Variants in ITFG1 observed in about 807,000 individuals in gnomAD.
ITFG1 encodes the protein T-cell immunomodulatory protein.
In ITFG1, 34 loss-of-function variants were observed where a neutral mutation model predicts 81.8. That is an observed-to-expected ratio of 0.42 (90% CI 0.32 to 0.55). The LOEUF is 0.55. Among genes scored for constraint, ITFG1 ranks in the 20% least tolerant of loss-of-function variants. The pLI, the probability that ITFG1 is intolerant of heterozygous loss-of-function variation, is 0.17. For synonymous variants in ITFG1, 285 were observed against 270.6 expected (o/e 1.05, Z -0.52); for missense variants, 672 against 755.4 (o/e 0.89, Z 1.29).
intron 6 of ITFG1, among the ~76,000 whole-genome samples, chr16:47,406,985 C>T (rs953139086): frequency 6.6e-6 from 1 of 152,120 alleles, no homozygotes; most frequent in Non-Finnish European, 1.5e-5. Context: ...GGCTGGCAGG[C>T]TAGCTCAAGG....
At chr16:47,192,118 T>A (rs1965300432) in intron 14 of ITFG1, among the ~76,000 whole-genome samples, 1 of 152,214 alleles carries the variant, frequency 6.6e-6, no homozygotes, top group South Asian at 2.1e-4. Context: ...AATTTGACAG[T>A]CTTTGCCATA....
intron 8 of ITFG1, among the ~76,000 whole-genome samples, chr16:47,331,217 A>C (rs1967632720): frequency 6.6e-6 from 1 of 152,202 alleles, no homozygotes; most frequent in South Asian, 2.1e-4. Context: ...ACACAGAAAC[A>C]GAAAGCCAAA....
chr16:47,235,721 C>CTG (rs1449670686), intron 13 of ITFG1, among the ~76,000 whole-genome samples: 1 of 152,168 alleles, frequency 6.6e-6, no homozygotes, highest in Non-Finnish European at 1.5e-5. Context: ...TATATTTTCT[C>CTG]TCTCAGTTTC....
chr16:47,222,413 CTTTTTT>C (rs1043034196), intron 13 of ITFG1, among the ~76,000 whole-genome samples: 5 of 130,930 alleles, frequency 3.8e-5, no homozygotes, highest in Admixed American at 1.5e-4. Context: ...GAGTTTCTTT[CTTTTTT>C]TTTTTTTTTT....
At chr16:47,395,447 G>A (rs1400075803) in intron 6 of ITFG1, among the ~76,000 whole-genome samples, 1 of 152,100 alleles carries the variant, frequency 6.6e-6, no homozygotes, top group African/African-American at 2.4e-5. Context: ...ACATCTGGCA[G>A]GTCACACTGT....
chr16:47,331,825 T>A (rs1967641149), intron 8 of ITFG1, among the ~76,000 whole-genome samples: 1 of 152,312 alleles, frequency 6.6e-6, no homozygotes, highest in Middle Eastern at 3.4e-3. Flanking sequence ...TGTTGTACGA[T>A]CTATGAGCTA....
chr16:47,235,944 T>C (rs1965868730), intron 13 of ITFG1, among the ~76,000 whole-genome samples: 2 of 152,110 alleles, frequency 1.3e-5, no homozygotes, highest in South Asian at 2.1e-4. Flanking sequence ...GAAAATGATA[T>C]GGTGAAGGGC....
chr16:47,287,617 G>A (rs1966875132), intron 10 of ITFG1, among the ~76,000 whole-genome samples: 1 of 151,904 alleles, frequency 6.6e-6, no homozygotes. Context: ...TATCCAGGCT[G>A]GTCTTGAACT....
intron 8 of ITFG1, among the ~76,000 whole-genome samples, chr16:47,359,378 A>C (rs1968080693): frequency 6.6e-6 from 1 of 151,812 alleles, no homozygotes; most frequent in Non-Finnish European, 1.5e-5. Flanking sequence ...TCCTCTTCCT[A>C]CTCCTTTCCT....
At chr16:47,331,396 C>G (rs1967635412) in intron 8 of ITFG1, among the ~76,000 whole-genome samples, 1 of 152,066 alleles carries the variant, frequency 6.6e-6, no homozygotes, top group Non-Finnish European at 1.5e-5. Flanking sequence ...ACTTGGGTAA[C>G]AGGATCAATA....
At chr16:47,440,731 G>A (rs1380827955) in intron 5 of ITFG1, among the ~76,000 whole-genome samples, 2 of 152,096 alleles carry the variant, frequency 1.3e-5, no homozygotes, top group Non-Finnish European at 2.9e-5. Context: ...ACAAGAGAAA[G>A]AAGGAAAGAT....
intron 10 of ITFG1, among the ~76,000 whole-genome samples, chr16:47,270,480 T>C (rs1966326665): frequency 1.3e-5 from 2 of 152,196 alleles, no homozygotes; most frequent in Admixed American, 1.3e-4. Flanking sequence ...GGAGAAAATG[T>C]GGAGAAACTG....
At chr16:47,263,498 C>A in intron 10 of ITFG1, 1 of 331,742 alleles carries the variant, frequency 3.0e-6, no homozygotes, top group South Asian at 3.0e-5. Flanking sequence ...TGGATCTACC[C>A]CAGGAGGGAG....
At chr16:47,409,893 G>A (rs1172907929) in intron 6 of ITFG1, among the ~76,000 whole-genome samples, 1 of 151,976 alleles carries the variant, frequency 6.6e-6, no homozygotes, top group African/African-American at 2.4e-5. Context: ...ACAACAAGCT[G>A]GAGATATGTA....
chr16:47,215,382 C>T (rs1039997411), intron 14 of ITFG1, among the ~76,000 whole-genome samples: 5 of 152,134 alleles, frequency 3.3e-5, no homozygotes, highest in African/African-American at 1.2e-4. Context: ...GCTTAGAATA[C>T]ATTTTATGCA....
chr16:47,333,115 C>A (rs1395866974), intron 8 of ITFG1, among the ~76,000 whole-genome samples: 2 of 151,690 alleles, frequency 1.3e-5, no homozygotes, highest in Non-Finnish European at 2.9e-5. Flanking sequence ...AGGGTATGTC[C>A]TGGGATGGAA....
intron 8 of ITFG1, among the ~76,000 whole-genome samples, chr16:47,346,551 G>A (rs1967857670): frequency 6.6e-6 from 1 of 152,116 alleles, no homozygotes; most frequent in South Asian, 2.1e-4. Flanking sequence ...AAGAAACAAA[G>A]AGAATACTTA....
At position 47,427,730 on chromosome 16, in the gene ITFG1, G is replaced by A. The variant is rs188849767; in HGVS notation, c.655+1074C>T. On this transcript the variant is annotated intron_variant, in intron 6 of 17. Transcript: ENST00000320640. Reference sequence around the variant, plus strand: ...GTACAGCACAGATGTGTACAGCACAGATGGTTTCTCTACTTCGGCATGAAC... The same window carrying A: ...GTACAGCACAGATGTGTACAGCACAAATGGTTTCTCTACTTCGGCATGAAC... Among the ~76,000 whole-genome samples the A allele has an allele frequency of 3.9e-5, 6 of 152,336 alleles. No homozygotes were observed. The East Asian group carries it at 1.2e-3, about 29-fold the overall frequency.
chr16:47,448,461 C>T (rs1459105328), intron 5 of ITFG1: 1 of 152,134 alleles, frequency 6.6e-6, no homozygotes, highest in Non-Finnish European at 1.5e-5. Flanking sequence ...ACTTATACCA[C>T]ATTCAATATT....
Sources: allele counts gnomAD v4.1 joint callset (sites outside exome capture counted in the v4.1 genomes callset), GRCh38; gene constraint gnomAD v4.1.1; transcripts MANE v1.5; gene names NCBI Gene and HGNC (gene_info 2026-07-23, HGNC 2026-07-21).